Variants in ABLIM2 observed in about 807,000 individuals in gnomAD.
The protein encoded by ABLIM2 is actin binding LIM protein family member 2.
A neutral mutation model predicts 97.7 loss-of-function variants in ABLIM2; 53 were observed. The ratio of observed to expected loss-of-function variants is 0.54; its 90% CI spans 0.44 to 0.68. The LOEUF (loss-of-function observed/expected upper bound fraction) is 0.68, where lower values mean the gene tolerates loss of function less well. Among genes scored for constraint, ABLIM2 ranks in the 30% least tolerant of loss-of-function variants. ABLIM2 has a pLI of 0.00. For synonymous variants in ABLIM2, 361 were observed against 345.8 expected, an observed-to-expected ratio of 1.04 and a Z score of -0.49; for missense variants, 835 against 867.2, an observed-to-expected ratio of 0.96 and a Z score of 0.47.
At position 8,021,959 on chromosome 4, in the gene ABLIM2, C is replaced by G. The variant is rs369509697; in HGVS notation, c.1268-1656G>C. The stretch of plus-strand genomic sequence containing the variant: ...CGTGGCACCCTTGCTGGTCAGGTCA[C>G]GCTCGTCAGGATGCTCCACGGTGGA... On this transcript the variant is annotated intron_variant, in intron 12 of 20. Coordinates refer to ENST00000447017, the MANE Select transcript of ABLIM2 (RefSeq NM_001130083.2). The surrounding 1 kb of genome is among the most constrained non-coding windows in gnomAD (Gnocchi z 5.5). Among the ~76,000 whole-genome samples, 1 of 152,178 alleles carries G rather than the reference C, an allele frequency of 6.6e-6. No individual in the cohort carries two copies. Among genetic ancestry groups the G allele is most frequent in the Non-Finnish European group, 1.5e-5 (1 of 68,036 alleles).
At chr4:8,146,563 A>T (rs954410073) in intron 1 of ABLIM2, among the ~76,000 whole-genome samples, 1 of 152,220 alleles carries the variant, frequency 6.6e-6, no homozygotes, top group African/African-American at 2.4e-5. Context: ...TTTTGGAGAC[A>T]GGGTCTCACC....
At chr4:7,977,775 A>T (rs1299103753) in intron 20 of ABLIM2, among the ~76,000 whole-genome samples, 1 of 147,002 alleles carries the variant, frequency 6.8e-6, no homozygotes, top group East Asian at 1.9e-4. Context: ...TGGGAGACTG[A>T]GGGAGACTCT....
chr4:8,097,723 G>A (rs1832456116), intron 2 of ABLIM2, among the ~76,000 whole-genome samples: 1 of 152,106 alleles, frequency 6.6e-6, no homozygotes, highest in South Asian at 2.1e-4. Context: ...CTGTGCTGGG[G>A]GCCGAAGGTT....
intron 7 of ABLIM2, among the ~76,000 whole-genome samples, 152 bp downstream of exon 7, chr4:8,060,815 G>A (rs1326777740): frequency 6.6e-6 from 1 of 152,156 alleles, no homozygotes; most frequent in African/African-American, 2.4e-5. Context: ...ACGTGCCACC[G>A]CCCTGCCCTG....
chr4:8,154,327 G>C (rs1197765529), intron 1 of ABLIM2, among the ~76,000 whole-genome samples: 2 of 144,156 alleles, frequency 1.4e-5, no homozygotes, highest in Non-Finnish European at 3.0e-5. Context: ...CTGTCACCAG[G>C]CTGGAGTATA....
At position 8,091,322 on chromosome 4, in the gene ABLIM2, T is replaced by C. The variant is rs1251877520; in HGVS notation, c.339-3038A>G. Reference sequence around the variant, plus strand: ...ATATTATATTATATATATATAATTATATATATATTATATATATAATATATA... The same window carrying C: ...ATATTATATTATATATATATAATTACATATATATTATATATATAATATATA... On this transcript the variant is annotated intron_variant, in intron 3 of 20. Transcript: ENST00000447017. Among the ~76,000 whole-genome samples, 8 of 26,108 alleles carry C rather than the reference T, an allele frequency of 3.1e-4. 2 individuals are homozygous for C. In the East Asian group the frequency reaches 7.0e-3, roughly 23 times the overall value. 17.1% of individuals were successfully genotyped at this position (26,108 alleles called of 152,430 possible). A position where few individuals can be genotyped will look rare whatever the true frequency, so the allele number is the denominator to read the frequency against.
At chr4:8,017,248 A>C (rs1250800797) in intron 14 of ABLIM2, among the ~76,000 whole-genome samples, 2 of 151,422 alleles carry the variant, frequency 1.3e-5, no homozygotes, top group African/African-American at 4.9e-5. Context: ...GAGGTGCTCT[A>C]TTCTTGCCTG....
chr4:8,089,598 G>C (rs2152527343), intron 3 of ABLIM2, among the ~76,000 whole-genome samples: 1 of 152,166 alleles, frequency 6.6e-6, no homozygotes, highest in East Asian at 1.9e-4. Context: ...AGCCATGCAT[G>C]GTGGTGTGCA....
chr4:8,141,199 C>T (rs1282893608), intron 1 of ABLIM2, among the ~76,000 whole-genome samples: 4 of 152,124 alleles, frequency 2.6e-5, no homozygotes, highest in Admixed American at 2.6e-4. Flanking sequence ...CTCCCCACCC[C>T]CCGGAGCCCT....
At chr4:7,990,155 T>C (rs371233013) in intron 17 of ABLIM2, among the ~76,000 whole-genome samples, 37 of 152,256 alleles carry the variant, frequency 2.4e-4, no homozygotes, top group African/African-American at 8.9e-4. Flanking sequence ...CTCTATGCCT[T>C]GGCCACCAGG....
At chr4:8,111,156 T>G (rs1474998853) in intron 1 of ABLIM2, among the ~76,000 whole-genome samples, 1 of 152,190 alleles carries the variant, frequency 6.6e-6, no homozygotes, top group African/African-American at 2.4e-5. Context: ...TGAAATATTA[T>G]TCACCAACAA....
intron 16 of ABLIM2, among the ~76,000 whole-genome samples, chr4:7,995,225 G>A (rs1045640917): frequency 6.6e-6 from 1 of 152,202 alleles, no homozygotes; most frequent in African/African-American, 2.4e-5. Context: ...CTTTCCACTA[G>A]CCTATGGGGC....
Position 8,061,668 on chromosome 4 carries a change from T to A in ABLIM2, c.676-614A>T, listed in dbSNP as rs1197763014. ...TTGCCTGGAGCAAAAAAAAAAAAAA[T>A]CACCCCGAAATGCTCCCTTTACCCC... On this transcript the variant is annotated intron_variant, in intron 6 of 20. Transcript: ENST00000447017. This position sits in a 1 kb window ranked among gnomAD's most constrained non-coding sequence, Gnocchi z 4.5. Among the ~76,000 whole-genome samples the A allele has an allele frequency of 1.4e-5, 2 of 144,570 alleles. No individual in the cohort carries two copies. The highest frequency in any genetic ancestry group is 2.0e-4 in the East Asian group (1 of 4,986). The allele number at this position is 144,570 out of a possible 152,430, so 94.8% of individuals were successfully genotyped here.
chr4:8,108,054 G>C, intron 1 of ABLIM2, among the ~76,000 whole-genome samples: 1 of 152,234 alleles, frequency 6.6e-6, no homozygotes, highest in Non-Finnish European at 1.5e-5. Flanking sequence ...TTTTAGCCCA[G>C]CAAGACCTGG....
chr4:7,982,022 C>T (rs1221740175), intron 20 of ABLIM2, among the ~76,000 whole-genome samples: 1 of 152,206 alleles, frequency 6.6e-6, no homozygotes, highest in Non-Finnish European at 1.5e-5. Context: ...CTTCTCCCCT[C>T]TCTGGCCCCA....
chr4:8,068,323 A>G lies in ABLIM2; in HGVS notation c.676-7269T>C, dbSNP rs942099180. On this transcript the variant is annotated intron_variant, in intron 6 of 20. Coordinates refer to ENST00000447017, the MANE Select transcript of ABLIM2 (RefSeq NM_001130083.2). This position sits in a 1 kb window ranked among gnomAD's most constrained non-coding sequence, Gnocchi z 4.5. ...TTCTGAAGGGTGGCTGTCATCTTTA[A>G]TAAGGCAGAACGAGGTGCCAGGGAA... 6.6e-6 allele frequency among the ~76,000 whole-genome samples: 1 copy of G among 152,196 alleles called. No individual in the cohort carries two copies. The highest frequency in any genetic ancestry group is 2.1e-4 in the South Asian group (1 of 4,832).
At chr4:8,121,821 C>G (rs1021986043) in intron 1 of ABLIM2, among the ~76,000 whole-genome samples, 1 of 152,204 alleles carries the variant, frequency 6.6e-6, no homozygotes, top group African/African-American at 2.4e-5. Context: ...ATGAATAACC[C>G]ATGTCACATC....
chr4:8,017,991 CA>C (rs57785994), intron 14 of ABLIM2, among the ~76,000 whole-genome samples: 8,716 of 80,894 alleles, frequency 0.11, 652 homozygotes, highest in African/African-American at 0.3. Flanking sequence ...GACTCCGTCT[CA>C]AAAAAAAAAA....
Position 8,068,724 on chromosome 4 carries a change from C to G in ABLIM2, c.676-7670G>C, listed in dbSNP as rs1809740067. ...CTGCGGGCTCCCGCTCAGCCGAGGG[C>G]CAGGGCTGGGCCTGCGGGCTGCACC... is the stretch of plus-strand genomic sequence containing the variant. On this transcript the variant is annotated intron_variant, in intron 6 of 20. Transcript: ENST00000447017. This position sits in a 1 kb window ranked among gnomAD's most constrained non-coding sequence, Gnocchi z 4.5. Among the ~76,000 whole-genome samples the G allele has an allele frequency of 6.6e-6, 1 of 152,204 alleles. No homozygotes were observed. Among genetic ancestry groups the G allele is most frequent in the Non-Finnish European group, 1.5e-5 (1 of 68,026 alleles).
Sources: gnomAD v4.1 joint callset for allele counts (sites outside exome capture counted in the v4.1 genomes callset) on GRCh38, gnomAD v4.1.1 for gene constraint, Gnocchi (gnomAD v3.1) non-coding constraint, MANE v1.5 for transcripts, NCBI Gene and HGNC (gene_info 2026-07-23, HGNC 2026-07-21) for gene names.